NLRC5: variants seen among roughly 807,000 people sequenced by gnomAD.
The protein encoded by NLRC5 is protein NLRC5.
Under a neutral mutation model 206.9 loss-of-function variants are expected in NLRC5, and 114 were observed. That is an observed-to-expected ratio of 0.55 (90% CI 0.47 to 0.64). The LOEUF is 0.64. Among genes scored for constraint, NLRC5 ranks in the 30% least tolerant of loss-of-function variants. The pLI is 0.00. For missense variants in NLRC5, 2,008 were observed against 2,305.5 expected (o/e 0.87, Z 2.64); for synonymous variants, 952 against 962.8 (o/e 0.99, Z 0.21).
intron 24 of NLRC5, 86 bp downstream of exon 24, chr16:57,051,707 ACC>A: frequency 1.0e-6 from 1 of 992,738 alleles, no homozygotes; most frequent in African/African-American, 1.6e-5. Context: ...CTGCCCTCTA[ACC>A]CCTCAACCCC....
At chr16:57,061,723 C>G in intron 32 of NLRC5, 22 bp downstream of exon 32, 1 of 1,590,206 alleles carries the variant, frequency 6.3e-7, no homozygotes, top group Non-Finnish European at 8.5e-7. Context: ...CCCGCTGCCT[C>G]CGGGAGGGGC....
rs2061243248 is a variant in NLRC5 at position 57,026,047 on chromosome 16, T to C, written c.1104T>C (p.Asp368=). 1 of 1,613,946 alleles carries C rather than the reference T, an allele frequency of 6.2e-7. No individual in the cohort carries two copies. The highest frequency in any genetic ancestry group is 1.1e-5 in the South Asian group (1 of 91,092). ...CCATGGTCCACATGTTGGGCTTTGATGGGCCACGGGTGGAAGAATATGTGA... is the reference window on the plus strand; with the variant it reads ...CCATGGTCCACATGTTGGGCTTTGACGGGCCACGGGTGGAAGAATATGTGA... ...EAAMVHMLGF[D]GPRVEEYVNH... is the part of the protein sequence containing the mutation. The change falls in exon 6 of 49, where the codon GAT becomes GAC. Residue 368 remains aspartate, a synonymous_variant. Coordinates refer to ENST00000688547, the MANE Select transcript of NLRC5 (RefSeq NM_001384950.1).
chr16:57,036,007 A>T (rs2062519684), intron 13 of NLRC5, 93 bp from the exon 14 acceptor site: 3 of 1,199,194 alleles, frequency 2.5e-6, no homozygotes, highest in Non-Finnish European at 2.5e-6. Flanking sequence ...TGAGAGTGAC[A>T]CTTTGACTAA....
chr16:57,003,621 G>A (rs544386307), intron 1 of NLRC5, among the ~76,000 whole-genome samples: 5 of 152,128 alleles, frequency 3.3e-5, no homozygotes, highest in African/African-American at 4.8e-5. Flanking sequence ...GTGCAGTGAC[G>A]TGAAGTGTGA....
At chr16:57,001,466 C>A (rs2058238215) in intron 1 of NLRC5, among the ~76,000 whole-genome samples, 1 of 152,226 alleles carries the variant, frequency 6.6e-6, no homozygotes, top group Non-Finnish European at 1.5e-5. Context: ...AAGTCTGTGG[C>A]TCCACTCCTG....
At position 57,045,479 on chromosome 16, in the gene NLRC5, G is replaced by A. The variant is rs368608343; in HGVS notation, c.3235G>A (p.Asp1079Asn). 2.5e-6 allele frequency: 4 copies of A among 1,614,070 alleles called. No individual in the cohort carries two copies. Among genetic ancestry groups the A allele is most frequent in the South Asian group, 2.2e-5 (2 of 91,078 alleles). The stretch of plus-strand genomic sequence containing the variant: ...AAGCCAACACATCCTCCTGAGAGGG[G>A]ACAAGACAAGCAGGTGAGGAGGGAA... ...FESQHILLRG[D>N]KTSRDMWATG... The change falls in exon 21 of 49, where the codon GAC (aspartate) becomes AAC (asparagine). Residue 1079 changes from aspartate to asparagine, a missense_variant. Asp to Asn is a conservative substitution (Grantham distance 23). Transcript: ENST00000688547.
At chr16:57,061,366 G>A (rs2066456186) in intron 30 of NLRC5, 82 bp from the exon 31 acceptor site, 2 of 1,373,862 alleles carry the variant, frequency 1.5e-6, no homozygotes, top group African/African-American at 2.8e-5. Flanking sequence ...TCCCCCAATA[G>A]GCCCTCAGGG....
intron 38 of NLRC5, among the ~76,000 whole-genome samples, chr16:57,073,121 T>A (rs1199901017): frequency 1.3e-5 from 2 of 152,218 alleles, no homozygotes; most frequent in African/African-American, 4.8e-5. Context: ...AAATATGTAC[T>A]GAGCTGGGCA....
At position 57,079,143 on chromosome 16, in the gene NLRC5, G is replaced by C. The variant is rs762453607; in HGVS notation, c.5165+10G>C. On this transcript the variant is annotated intron_variant, in intron 44 of 48. Transcript: ENST00000688547. ...ATTTGGAAGAGATCAGGTAAGTAGG[G>C]GCTGCCCAGCCCAGGCACGGGGACA... is the stretch of plus-strand genomic sequence containing the variant. 3.1e-6 allele frequency: 5 copies of C among 1,614,078 alleles called. No homozygotes were observed. Among genetic ancestry groups the C allele is most frequent in the Non-Finnish European group, 8.5e-7 (1 of 1,180,014 alleles).
intron 15 of NLRC5, among the ~76,000 whole-genome samples, chr16:57,038,309 A>T (rs1448643397): frequency 6.6e-6 from 1 of 152,222 alleles, no homozygotes; most frequent in African/African-American, 2.4e-5. Context: ...CCAAGGCTGG[A>T]GTACAGTGAC....
intron 21 of NLRC5, among the ~76,000 whole-genome samples, chr16:57,046,208 C>T (rs1413748313): frequency 6.6e-6 from 1 of 152,210 alleles, no homozygotes; most frequent in East Asian, 1.9e-4. Flanking sequence ...AACTGACGTA[C>T]AGGGAGGCAG....
Position 57,022,333 on chromosome 16 carries a change from G to T in NLRC5, c.355+18G>T, listed in dbSNP as rs200253772. ...CCACCATGGTGAGGACTGGAGTTGGGGGGTGGGAAGGGGGTGGTGAGCACT... is the reference window on the plus strand; with the variant it reads ...CCACCATGGTGAGGACTGGAGTTGGTGGGTGGGAAGGGGGTGGTGAGCACT... On this transcript the variant is annotated intron_variant, in intron 4 of 48. Coordinates refer to ENST00000688547, the MANE Select transcript of NLRC5 (RefSeq NM_001384950.1). 151 of 1,602,390 alleles carry T rather than the reference G, an allele frequency of 9.4e-5. No homozygotes were observed. The highest frequency in any genetic ancestry group is 1.5e-4 in the Admixed American group (9 of 59,820).
In NLRC5 at chr16:57,020,830, G is replaced by A; in HGVS notation, c.118G>A (p.Asp40Asn). The A allele has an allele frequency of 6.2e-7, 1 of 1,613,524 alleles. No homozygotes were observed. ...GATGAAGTTCTTCCTCCCCAACACG[G>A]ACCTGGATTCCAGGAACGAGACCTT... Reference protein sequence around the residue: ...AKMKFFLPNTDLDSRNETLDP... With the variant: ...AKMKFFLPNTNLDSRNETLDP... Residue 40 changes from aspartate (D) to asparagine (N), a missense_variant, in exon 3 of 49, where the codon GAC becomes AAC. By Grantham distance (23) the Asp-to-Asn change is conservative. Transcript: ENST00000688547.
intron 19 of NLRC5, among the ~76,000 whole-genome samples, chr16:57,043,050 G>A (rs566428626): frequency 2.0e-5 from 3 of 152,264 alleles, no homozygotes; most frequent in East Asian, 1.9e-4. Context: ...CAGTGTCCCC[G>A]TGGGAGGGGA....
rs765482594 is a variant in NLRC5, at chr16:57,079,050, C to A, written c.5082C>A (p.His1694Gln). Residue 1694 changes from histidine (H) to glutamine (Q), a missense_variant and splice_region_variant, in exon 44 of 49, where the codon CAC becomes CAA. His to Gln is a conservative substitution (Grantham distance 24). Transcript: ENST00000688547. The part of the protein sequence containing the change: ...QELPQHLRVL[H>Q]LPFSHLGPGG... The stretch of plus-strand genomic sequence containing the variant: ...CTCTCACCCTCTCCTCTTTCCCCAG[C>A]CTACCATTCAGCCATCTGGGCCCAG... The A allele has an allele frequency of 2.5e-6, 4 of 1,613,758 alleles. No homozygotes were observed. The African/African-American group carries it at 5.3e-5, about 22-fold the overall frequency.
intron 1 of NLRC5, among the ~76,000 whole-genome samples, chr16:57,003,578 G>C (rs1264437044): frequency 6.6e-6 from 1 of 151,966 alleles, no homozygotes; most frequent in East Asian, 1.9e-4. Flanking sequence ...GAGATGCCTG[G>C]GCAGTCATGC....
Position 57,031,368 on chromosome 16 carries a change from T to A in NLRC5, c.2418-36T>A, listed in dbSNP as rs372980197. 3 of 1,612,036 alleles carry A rather than the reference T, an allele frequency of 1.9e-6. No homozygotes were observed. The African/African-American group carries it at 4.0e-5, about 22-fold the overall frequency. ...TGGTGGGTGATGTGCTGGTTTCCAG[T>A]CTCTGGGTTTCATGGCTTGGTATCT... On this transcript the variant is annotated intron_variant, in intron 10 of 48. Coordinates refer to ENST00000688547, the MANE Select transcript of NLRC5 (RefSeq NM_001384950.1).
Position 57,030,016 on chromosome 16 carries a change from C to T in NLRC5, c.2349C>T (p.Cys783=), listed in dbSNP as rs137958937. 32 of 1,614,128 alleles carry T rather than the reference C, an allele frequency of 2.0e-5. No homozygotes were observed. The South Asian group carries it at 2.5e-4, about 13-fold the overall frequency. Residue 783 remains cysteine (C), a synonymous_variant, in exon 10 of 49, where the codon TGC becomes TGT. Transcript: ENST00000688547. ...RKLDLSSNSI[C]VSTLLCLARV... is the part of the protein sequence containing the mutation. Reference sequence around the variant, plus strand: ...GCAGCCTGAGCAGCAACAGCATCTGCGTGTCAACCCTACTCTGCTTGGCAA... The same window carrying T: ...GCAGCCTGAGCAGCAACAGCATCTGTGTGTCAACCCTACTCTGCTTGGCAA...
At chr16:57,034,387 G>A in intron 13 of NLRC5, 136 bp downstream of exon 13, 1 of 666,834 alleles carries the variant, frequency 1.5e-6, no homozygotes, top group African/African-American at 1.8e-5. Context: ...TCAGATCATT[G>A]TAACAGCTGC....
Sources: allele counts gnomAD v4.1 joint callset (sites outside exome capture counted in the v4.1 genomes callset), GRCh38; gene constraint gnomAD v4.1.1; transcripts MANE v1.5; gene names NCBI Gene and HGNC (gene_info 2026-07-23, HGNC 2026-07-21).